FUT8: variants seen among roughly 807,000 people sequenced by gnomAD.
FUT8 encodes the protein fucosyltransferase 8.
A neutral mutation model predicts 71.3 loss-of-function variants in FUT8; 29 were observed. The ratio of observed to expected loss-of-function variants is 0.41; its 90% CI spans 0.30 to 0.55. The LOEUF (loss-of-function observed/expected upper bound fraction) is 0.55, where lower values mean the gene tolerates loss of function less well. Among genes scored for constraint, FUT8 ranks in the 20% least tolerant of loss-of-function variants. The pLI, the probability that FUT8 is intolerant of heterozygous loss-of-function variation, is 0.34. For synonymous variants in FUT8, 254 were observed against 239.3 expected (o/e 1.06, Z -0.57); for missense variants, 544 against 702.1 (o/e 0.77, Z 2.55).
At chr14:65,411,520 T>A (rs2065123213), upstream of FUT8, 1 of 161,874 alleles carries the variant, frequency 6.2e-6, no homozygotes, top group African/African-American at 2.4e-5. Flanking sequence ...ATATGTGAAT[T>A]TATGAATATT....
intron 2 of FUT8, among the ~76,000 whole-genome samples, chr14:65,554,334 G>T (rs1320075208): frequency 1.3e-5 from 2 of 149,404 alleles, no homozygotes; most frequent in Non-Finnish European, 3.0e-5. Flanking sequence ...CTGTCTGATA[G>T]TTCAAATATC....
At chr14:65,671,368 T>C (rs1892469921) in intron 7 of FUT8, among the ~76,000 whole-genome samples, 1 of 152,208 alleles carries the variant, frequency 6.6e-6, no homozygotes, top group African/African-American at 2.4e-5. Flanking sequence ...TAACATGGCT[T>C]GAATTTCAAA....
intron 7 of FUT8, among the ~76,000 whole-genome samples, chr14:65,718,483 A>G (rs773718671): frequency 9.9e-5 from 15 of 152,200 alleles, no homozygotes; most frequent in Non-Finnish European, 2.2e-4. Context: ...TCTTTTACTT[A>G]AGATATCAAT....
At chr14:65,534,156 C>T (rs1295113583) in intron 2 of FUT8, among the ~76,000 whole-genome samples, 1 of 151,926 alleles carries the variant, frequency 6.6e-6, no homozygotes, top group East Asian at 1.9e-4. Context: ...CAGGGTCTCA[C>T]TTTGTCACCC....
chr14:65,638,319 C>T lies in FUT8; in HGVS notation c.597+8713C>T, dbSNP rs1052141787. On this transcript the variant is annotated intron_variant, in intron 6 of 10. Transcript: ENST00000673929. The surrounding 1 kb of genome is among the most constrained non-coding windows in gnomAD (Gnocchi z 4.5). ...CCTCAGCTTCCCAAAGTGTTGCAAT[C>T]ACAGGCGTGAGCCACTGTGTCCGGC... Among the ~76,000 whole-genome samples, 3 of 152,160 alleles carry T rather than the reference C, an allele frequency of 2.0e-5. No homozygotes were observed. The highest frequency in any genetic ancestry group is 4.4e-5 in the Non-Finnish European group (3 of 68,036).
At chr14:65,579,334 A>G (rs1354991879) in intron 3 of FUT8, among the ~76,000 whole-genome samples, 2 of 152,126 alleles carry the variant, frequency 1.3e-5, no homozygotes, top group African/African-American at 4.8e-5. Context: ...ATCCAATTTT[A>G]TATTACAGTT....
At chr14:65,621,654 C>T (rs569725203) in intron 5 of FUT8, among the ~76,000 whole-genome samples, 63 of 152,216 alleles carry the variant, frequency 4.1e-4, no homozygotes, top group African/African-American at 1.3e-3. Context: ...CTCTGCCTCC[C>T]GAGTTCAAGC....
At chr14:65,673,364 GAC>G (rs1892564049) in intron 7 of FUT8, among the ~76,000 whole-genome samples, 2 of 152,210 alleles carry the variant, frequency 1.3e-5, no homozygotes, top group Non-Finnish European at 2.9e-5. Flanking sequence ...CATGAAGACA[GAC>G]ACAGTCTCTT....
At chr14:65,558,618 G>A (rs1316970599) in intron 2 of FUT8, among the ~76,000 whole-genome samples, 3 of 152,114 alleles carry the variant, frequency 2.0e-5, no homozygotes, top group Admixed American at 2.0e-4. Context: ...AAATTATGGC[G>A]TTTGTATTTT....
At chr14:65,367,102 G>T in the FUT8 span, among the ~76,000 whole-genome samples, 1 of 152,202 alleles carries the variant, frequency 6.6e-6, no homozygotes, top group Non-Finnish European at 1.5e-5. Flanking sequence ...CAGAGGGGTT[G>T]GTGGTGGGCT....
the FUT8 span, among the ~76,000 whole-genome samples, chr14:65,365,509 A>G: frequency 6.6e-6 from 1 of 152,122 alleles, no homozygotes; most frequent in Admixed American, 6.6e-5. Flanking sequence ...AAGTCACAGG[A>G]TGAGATAGGA....
chr14:65,607,816 C>T lies in FUT8; in HGVS notation c.204-8162C>T, dbSNP rs1157944121. 6.6e-6 allele frequency among the ~76,000 whole-genome samples: 1 copy of T among 151,852 alleles called. No homozygotes were observed. On this transcript the variant is annotated intron_variant, in intron 3 of 10. Transcript: ENST00000673929. This position sits in a 1 kb window ranked among gnomAD's most constrained non-coding sequence, Gnocchi z 4.1. ...CGGTAGCTCATGCCTGTAATCCCAG[C>T]ACTTTGGGAGGCTGAAGTGGGCAGA...
At chr14:65,640,765 CT>C (rs77862918) in intron 6 of FUT8, among the ~76,000 whole-genome samples, 9,473 of 151,992 alleles carry the variant, frequency 0.062, 538 homozygotes, top group African/African-American at 0.15. Flanking sequence ...ATTATGGTAC[CT>C]TTGATTCTGT....
chr14:65,726,591 C>T (rs1297091061), intron 9 of FUT8, among the ~76,000 whole-genome samples: 1 of 152,188 alleles, frequency 6.6e-6, no homozygotes, highest in South Asian at 2.1e-4. Flanking sequence ...GATTCAATTA[C>T]CTTCCACTGG....
chr14:65,516,638 A>G (rs1281116561), intron 2 of FUT8, among the ~76,000 whole-genome samples: 1 of 152,164 alleles, frequency 6.6e-6, no homozygotes, highest in East Asian at 1.9e-4. Context: ...GTTAACTACT[A>G]GAAGTCTATA....
At position 65,733,035 on chromosome 14, in the gene FUT8, A is replaced by C. The variant is rs544329952; in HGVS notation, c.1260-196A>C. Among the ~76,000 whole-genome samples, 11 of 152,288 alleles carry C rather than the reference A, an allele frequency of 7.2e-5. 1 individual carries two copies. Among genetic ancestry groups the C allele is most frequent in the African/African-American group, 2.6e-4 (11 of 41,562 alleles). ...TGTGTTTTATATGATATGCCAATAA[A>C]ATTTAATATACAGGGCATTCCAGAA... On this transcript the variant is annotated intron_variant, in intron 9 of 10. Coordinates refer to ENST00000673929, the MANE Select transcript of FUT8 (RefSeq NM_001371533.1).
chr14:65,478,309 T>C (rs1295713041), intron 2 of FUT8, among the ~76,000 whole-genome samples: 1 of 152,076 alleles, frequency 6.6e-6, no homozygotes, highest in Non-Finnish European at 1.5e-5. Flanking sequence ...AGGTCAGGCA[T>C]CCCAAATCTG....
chr14:65,613,065 G>C (rs1480648000), intron 3 of FUT8, among the ~76,000 whole-genome samples: 1 of 151,338 alleles, frequency 6.6e-6, no homozygotes, highest in African/African-American at 2.4e-5. Flanking sequence ...TTCACAGTTG[G>C]ATTAGATTAT....
At chr14:65,737,474 A>C (rs543031762) in intron 10 of FUT8, among the ~76,000 whole-genome samples, 1 of 152,290 alleles carries the variant, frequency 6.6e-6, no homozygotes, top group Non-Finnish European at 1.5e-5. Context: ...GCCTATGTGC[A>C]AAGCATCTCC....
Sources: gnomAD v4.1 joint callset for allele counts (sites outside exome capture counted in the v4.1 genomes callset) on GRCh38, gnomAD v4.1.1 for gene constraint, Gnocchi (gnomAD v3.1) non-coding constraint, MANE v1.5 for transcripts, NCBI Gene and HGNC (gene_info 2026-07-23, HGNC 2026-07-21) for gene names.